The following RBFOX1 variants were observed in gnomAD, a reference collection of about 807,000 sequenced individuals.
The protein encoded by RBFOX1 is RNA binding fox-1 homolog 1.
RBFOX1 carries 8 observed loss-of-function variants against 57.7 expected under a neutral mutation model. The ratio of observed to expected loss-of-function variants is 0.14; its 90% CI spans 0.08 to 0.25. The LOEUF is 0.25. Among genes scored for constraint, RBFOX1 ranks in the 10% least tolerant of loss-of-function variants. The pLI is 1.00. For missense variants in RBFOX1, 611 were observed against 548.5 expected, an observed-to-expected ratio of 1.11 and a Z score of -1.14; for synonymous variants, 326 against 222.4, an observed-to-expected ratio of 1.47 and a Z score of -4.15.
chr16:6,383,205 C>T (rs959461284), intron 2 of RBFOX1, among the ~76,000 whole-genome samples: 1 of 152,212 alleles, frequency 6.6e-6, no homozygotes, highest in Non-Finnish European at 1.5e-5. Flanking sequence ...TTAAAGGAAG[C>T]ATTTGATGGC....
At position 6,267,081 on chromosome 16, in the gene RBFOX1, T is replaced by C. The variant is rs956686144; in HGVS notation, c.-126-49914T>C. Among the ~76,000 whole-genome samples the C allele has an allele frequency of 5.3e-5, 8 of 152,084 alleles. No homozygotes were observed. In the East Asian group the frequency reaches 9.6e-4, roughly 18 times the overall value. On this transcript the variant is annotated intron_variant, in intron 1 of 15. Transcript: ENST00000550418. ...ATCCACCTCTATGGAAACATGGTGG[T>C]GTTTGAAGAGTTCCCCACAGCCACA... is the stretch of plus-strand genomic sequence containing the variant.
intron 3 of RBFOX1, among the ~76,000 whole-genome samples, chr16:5,726,721 A>C (rs1363386328): frequency 1.3e-5 from 2 of 152,234 alleles, no homozygotes; most frequent in Non-Finnish European, 2.9e-5. Flanking sequence ...TATGAACAAT[A>C]ATGTAATCAT....
intron 3 of RBFOX1, among the ~76,000 whole-genome samples, chr16:6,792,845 A>T (rs2083231551): frequency 6.6e-6 from 1 of 152,236 alleles, no homozygotes; most frequent in South Asian, 2.1e-4. Context: ...CCTGGACAAG[A>T]TGGTGAAACC....
intron 3 of RBFOX1, among the ~76,000 whole-genome samples, chr16:6,801,858 C>G (rs748288745): frequency 2.0e-5 from 3 of 152,094 alleles, no homozygotes; most frequent in South Asian, 2.1e-4. Context: ...GTGCATTCAT[C>G]TGAAGACCTA....
At chr16:6,875,298 TG>T (rs1363095499) in intron 3 of RBFOX1, among the ~76,000 whole-genome samples, 6 of 152,142 alleles carry the variant, frequency 3.9e-5, no homozygotes, top group African/African-American at 1.2e-4. Flanking sequence ...CTCGTTATGG[TG>T]GGGGTGCGTT....
chr16:6,607,842 T>C (rs1382359628), intron 2 of RBFOX1, among the ~76,000 whole-genome samples: 3 of 152,228 alleles, frequency 2.0e-5, no homozygotes, highest in Admixed American at 6.5e-5. Flanking sequence ...AAACTTAACA[T>C]GACTTACATC....
chr16:7,493,953 T>A (rs1382876076), intron 4 of RBFOX1, among the ~76,000 whole-genome samples: 1 of 152,222 alleles, frequency 6.6e-6, no homozygotes, highest in Non-Finnish European at 1.5e-5. Flanking sequence ...AAATAGAAAG[T>A]CAAAACAATT....
At chr16:7,095,397 C>A (rs1254212884) in intron 4 of RBFOX1, among the ~76,000 whole-genome samples, 1 of 152,210 alleles carries the variant, frequency 6.6e-6, no homozygotes, top group Non-Finnish European at 1.5e-5. Flanking sequence ...CTCAGCCTCC[C>A]ACAGTGCTGG....
intron 10 of RBFOX1, among the ~76,000 whole-genome samples, chr16:7,624,721 G>A (rs2059821330): frequency 6.6e-6 from 1 of 152,168 alleles, no homozygotes; most frequent in Non-Finnish European, 1.5e-5. Context: ...CTTCTTCCCT[G>A]AGTAAGCTCC....
chr16:6,367,796 G>T (rs2089875419), intron 2 of RBFOX1, among the ~76,000 whole-genome samples: 1 of 150,220 alleles, frequency 6.7e-6, no homozygotes, highest in South Asian at 2.1e-4. Context: ...AGAAAGCAAA[G>T]ATGTTTTCAA....
At chr16:6,731,632 A>G (rs1441376302) in intron 3 of RBFOX1, among the ~76,000 whole-genome samples, 1 of 152,088 alleles carries the variant, frequency 6.6e-6, no homozygotes. Context: ...GCTGGAGTGT[A>G]AACACCCCAG....
chr16:5,501,218 C>T (rs918490462), intron 2 of RBFOX1, among the ~76,000 whole-genome samples: 3 of 140,542 alleles, frequency 2.1e-5, no homozygotes, highest in Admixed American at 1.6e-4. Context: ...CTAGGGTGGC[C>T]GAGACAGGAG....
intron 3 of RBFOX1, among the ~76,000 whole-genome samples, chr16:6,869,625 C>G (rs745553340): frequency 3.9e-5 from 6 of 152,148 alleles, no homozygotes; most frequent in Non-Finnish European, 7.4e-5. Flanking sequence ...TAATTGGAAT[C>G]TGTTTTCAAC....
chr16:5,741,444 C>G (rs547517093), intron 3 of RBFOX1, among the ~76,000 whole-genome samples: 2 of 152,134 alleles, frequency 1.3e-5, no homozygotes, highest in African/African-American at 4.8e-5. Context: ...TGATTTCTGA[C>G]CACAGAATCA....
At chr16:5,722,889 A>T (rs1317031479) in intron 3 of RBFOX1, among the ~76,000 whole-genome samples, 5 of 152,008 alleles carry the variant, frequency 3.3e-5, no homozygotes, top group Non-Finnish European at 1.5e-5. Context: ...CTCTCATTTT[A>T]TCCTGTGTTT....
chr16:6,199,465 G>A (rs12149398), intron 1 of RBFOX1, among the ~76,000 whole-genome samples: 145,922 of 152,250 alleles, frequency 0.96, 70,218 homozygotes, highest in East Asian at 1. Context: ...GGATGAATCA[G>A]TAGATCTAAA....
intron 4 of RBFOX1, among the ~76,000 whole-genome samples, chr16:7,082,746 G>A (rs1474624040): frequency 1.3e-5 from 2 of 151,962 alleles, no homozygotes; most frequent in African/African-American, 4.8e-5. Context: ...GTATCACAAT[G>A]GCATTCAATT....
intron 3 of RBFOX1, among the ~76,000 whole-genome samples, chr16:5,621,343 A>T (rs1027424633): frequency 6.6e-6 from 1 of 152,158 alleles, no homozygotes; most frequent in African/African-American, 2.4e-5. Flanking sequence ...TATGTCTCAC[A>T]TTCTGAGTTG....
At chr16:5,457,229 C>T (rs753131574) in intron 1 of RBFOX1, among the ~76,000 whole-genome samples, 8 of 152,058 alleles carry the variant, frequency 5.3e-5, no homozygotes, top group East Asian at 1.9e-4. Flanking sequence ...CTCTACCTCC[C>T]GGGTTCAAGA....
Sources: allele counts gnomAD v4.1 joint callset (sites outside exome capture counted in the v4.1 genomes callset), GRCh38; gene constraint gnomAD v4.1.1; transcripts MANE v1.5; gene names NCBI Gene and HGNC (gene_info 2026-07-23, HGNC 2026-07-21).